The following RHOU variants were observed in gnomAD, a reference collection of about 807,000 sequenced individuals.
RHOU encodes ras homolog family member U, also known as rho-related GTP-binding protein RhoU.
RHOU carries 8 observed loss-of-function variants against 12.6 expected under a neutral mutation model. The ratio of observed to expected loss-of-function variants is 0.64; its 90% CI spans 0.37 to 1.15. The LOEUF (loss-of-function observed/expected upper bound fraction) is 1.15, where lower values mean the gene tolerates loss of function less well. RHOU is among the 50% of genes most tolerant of loss of function. The probability of loss-of-function intolerance (pLI) is 0.01; values close to 1 mark genes in which losing one functional copy is unlikely to be tolerated. For synonymous variants in RHOU, 161 were observed against 147.4 expected (o/e 1.09, Z -0.67); for missense variants, 258 against 347.0 (o/e 0.74, Z 2.04).
chr1:228,712,525 T>C, the RHOU span, among the ~76,000 whole-genome samples: 4 of 151,478 alleles, frequency 2.6e-5, no homozygotes, highest in East Asian at 1.9e-4. Context: ...ATGCATGAAA[T>C]TGGAAATCAT....
chr1:228,659,968 A>C, the RHOU span, among the ~76,000 whole-genome samples: 5 of 105,300 alleles, frequency 4.7e-5, no homozygotes, highest in African/African-American at 2.4e-4. Context: ...AAAAAAAACA[A>C]AAAAAAAAAA....
At chr1:228,672,016 A>T in the RHOU span, among the ~76,000 whole-genome samples, 1 of 152,272 alleles carries the variant, frequency 6.6e-6, no homozygotes, top group Non-Finnish European at 1.5e-5. Flanking sequence ...GTAAGTGTGC[A>T]CACTGGTGCA....
At chr1:228,726,515 A>T in the RHOU span, among the ~76,000 whole-genome samples, 1 of 152,092 alleles carries the variant, frequency 6.6e-6, no homozygotes, top group African/African-American at 2.4e-5. Context: ...AAATACAAAA[A>T]TTAGCCAGGC....
chr1:228,725,603 C>T, the RHOU span, among the ~76,000 whole-genome samples: 1 of 152,214 alleles, frequency 6.6e-6, no homozygotes, highest in Admixed American at 6.5e-5. Flanking sequence ...AGAACGATGG[C>T]AGCATCTTCA....
the RHOU span, among the ~76,000 whole-genome samples, chr1:228,658,362 G>C: frequency 6.6e-6 from 1 of 151,618 alleles, no homozygotes; most frequent in Non-Finnish European, 1.5e-5. Context: ...AGTCCTTATG[G>C]ACGAAATTAG....
Position 228,743,470 on chromosome 1 carries a change from C to T in RHOU, c.507C>T (p.Val169=). ...VGTQSDLRED[V]KVLIELDKCK... is the part of the protein sequence containing the mutation. ...CGCAGTCGGATCTCAGAGAAGATGT[C>T]AAAGTCCTCATTGAGTTGGACAAAT... is the stretch of plus-strand genomic sequence containing the variant. The change falls in exon 3 of 3, where the codon GTC becomes GTT. Residue 169 remains valine, a synonymous_variant. Coordinates refer to ENST00000366691, the MANE Select transcript of RHOU (RefSeq NM_021205.6). The surrounding 1 kb of genome is among the most constrained non-coding windows in gnomAD (Gnocchi z 5.1). The T allele has an allele frequency of 6.2e-7, 1 of 1,614,134 alleles. No homozygotes were observed. Among genetic ancestry groups the T allele is most frequent in the Non-Finnish European group, 8.5e-7 (1 of 1,180,044 alleles).
chr1:228,721,056 C>T, the RHOU span, among the ~76,000 whole-genome samples: 2 of 152,198 alleles, frequency 1.3e-5, no homozygotes, highest in Admixed American at 1.3e-4. Flanking sequence ...AATCCCAGCA[C>T]TTTGGGAGGT....
the RHOU span, among the ~76,000 whole-genome samples, chr1:228,720,226 G>T: frequency 8.5e-5 from 13 of 152,146 alleles, no homozygotes; most frequent in Admixed American, 3.3e-4. Context: ...ACAGTTTTTT[G>T]TGTGTGTACA....
the RHOU span, among the ~76,000 whole-genome samples, chr1:228,696,400 T>C: frequency 0.011 from 1,700 of 152,098 alleles, 31 homozygotes; most frequent in African/African-American, 0.039. Flanking sequence ...AGCTGAATCA[T>C]GATGGTTGAG....
At chr1:228,654,393 C>T in the RHOU span, among the ~76,000 whole-genome samples, 1 of 152,146 alleles carries the variant, frequency 6.6e-6, no homozygotes. Flanking sequence ...AGCTGTGAAC[C>T]ACAATATCCA....
At chr1:228,705,783 C>T in the RHOU span, among the ~76,000 whole-genome samples, 2 of 152,190 alleles carry the variant, frequency 1.3e-5, no homozygotes, top group Admixed American at 1.3e-4. Flanking sequence ...GTGGGTCACG[C>T]CTATAATCCC....
the RHOU span, among the ~76,000 whole-genome samples, chr1:228,675,083 C>T: frequency 6.6e-6 from 1 of 152,148 alleles, no homozygotes; most frequent in African/African-American, 2.4e-5. Flanking sequence ...CTTAGATCTG[C>T]AGTTCACAAG....
At chr1:228,677,124 G>A in the RHOU span, among the ~76,000 whole-genome samples, 2 of 152,202 alleles carry the variant, frequency 1.3e-5, no homozygotes, top group Non-Finnish European at 2.9e-5. Flanking sequence ...GGATTGGGGT[G>A]GCGTGGGAAC....
chr1:228,723,533 G>C, the RHOU span, among the ~76,000 whole-genome samples: 1 of 152,220 alleles, frequency 6.6e-6, no homozygotes, highest in Non-Finnish European at 1.5e-5. Flanking sequence ...AGGCACATGT[G>C]GGGCAAGGGC....
At chr1:228,691,674 T>C in the RHOU span, among the ~76,000 whole-genome samples, 1 of 152,226 alleles carries the variant, frequency 6.6e-6, no homozygotes, top group Admixed American at 6.5e-5. Flanking sequence ...AATTTCCAAG[T>C]TTTGGCAATT....
chr1:228,701,669 T>C, the RHOU span, among the ~76,000 whole-genome samples: 2 of 151,996 alleles, frequency 1.3e-5, no homozygotes, highest in African/African-American at 2.4e-5. Flanking sequence ...TTAAAAATTC[T>C]TTTTCTTCCT....
intron 1 of RHOU, 68 bp downstream of exon 1, chr1:228,736,072 G>T: frequency 6.8e-7 from 1 of 1,465,942 alleles, no homozygotes; most frequent in Non-Finnish European, 9.1e-7. Flanking sequence ...GGAAGGTGGC[G>T]CGAGGGTCGC....
rs941480159 is a variant in RHOU at position 228,743,814 on chromosome 1, C to G, written c.*74C>G. The G allele has an allele frequency of 7.8e-7, 1 of 1,281,770 alleles. No homozygotes were observed. The highest frequency in any genetic ancestry group is 1.5e-5 in the African/African-American group (1 of 66,972). 79.4% of individuals were successfully genotyped at this position (1,281,770 alleles called of 1,614,324 possible). On this transcript the variant is annotated 3_prime_UTR_variant, in exon 3 of 3. Transcript: ENST00000366691. The surrounding 1 kb of genome is among the most constrained non-coding windows in gnomAD (Gnocchi z 5.1). ...GAAGCTATATTAGCTGAAACAACTCCTTTTACTGCGTAGAACCTATATCGA... is the reference window on the plus strand; with the variant it reads ...GAAGCTATATTAGCTGAAACAACTCGTTTTACTGCGTAGAACCTATATCGA...
At chr1:228,647,594 T>A in the RHOU span, among the ~76,000 whole-genome samples, 4 of 152,186 alleles carry the variant, frequency 2.6e-5, no homozygotes, top group African/African-American at 9.6e-5. Context: ...TTTATAAGGT[T>A]GCGACTGCGC....
Sources: allele counts gnomAD v4.1 joint callset (sites outside exome capture counted in the v4.1 genomes callset), GRCh38; gene constraint gnomAD v4.1.1; non-coding constraint Gnocchi (gnomAD v3.1); transcripts MANE v1.5; gene names NCBI Gene and HGNC (gene_info 2026-07-23, HGNC 2026-07-21).